Variants in ROBO1 observed in about 807,000 individuals in gnomAD.
ROBO1 encodes the protein roundabout guidance receptor 1.
In ROBO1, 149 loss-of-function variants were observed where a neutral mutation model predicts 195.9. The ratio of observed to expected loss-of-function variants is 0.76; its 90% CI spans 0.67 to 0.87. The LOEUF (loss-of-function observed/expected upper bound fraction) is 0.87. Among genes scored for constraint, ROBO1 ranks in the 40% least tolerant of loss-of-function variants. The pLI, the probability that ROBO1 is intolerant of heterozygous loss-of-function variation, is 0.00. For synonymous variants in ROBO1, 816 were observed against 733.2 expected, an observed-to-expected ratio of 1.11 and a Z score of -1.82; for missense variants, 1,933 against 2,068.3, an observed-to-expected ratio of 0.93 and a Z score of 1.27.
intron 5 of ROBO1, among the ~76,000 whole-genome samples, chr3:78,745,698 T>C (rs2082641491): frequency 6.6e-6 from 1 of 152,150 alleles, no homozygotes; most frequent in South Asian, 2.1e-4. Context: ...ATCCCAAGAA[T>C]TACAGAAATC....
At chr3:79,728,795 A>T (rs976819896) in intron 1 of ROBO1, among the ~76,000 whole-genome samples, 8 of 152,114 alleles carry the variant, frequency 5.3e-5, no homozygotes, top group Non-Finnish European at 1.0e-4. Context: ...AAATTTCTTT[A>T]TTAAGCCATT....
At chr3:79,488,565 TA>T (rs1314435554) in intron 2 of ROBO1, among the ~76,000 whole-genome samples, 1 of 152,144 alleles carries the variant, frequency 6.6e-6, no homozygotes, top group Non-Finnish European at 1.5e-5. Flanking sequence ...ATAGAAATCA[TA>T]AAAACCAAAG....
intron 2 of ROBO1, among the ~76,000 whole-genome samples, chr3:79,514,409 G>C (rs537983245): frequency 6.6e-6 from 1 of 152,256 alleles, no homozygotes; most frequent in South Asian, 2.1e-4. Flanking sequence ...GGCACAATGT[G>C]ATAGCACATT....
chr3:79,088,710 G>A (rs1223837069), intron 3 of ROBO1, among the ~76,000 whole-genome samples: 5 of 152,006 alleles, frequency 3.3e-5, no homozygotes, highest in Admixed American at 3.3e-4. Flanking sequence ...CTTTCTTTGT[G>A]AAGAAGAATT....
At chr3:78,757,707 T>C (rs1296087150) in intron 4 of ROBO1, among the ~76,000 whole-genome samples, 1 of 152,172 alleles carries the variant, frequency 6.6e-6, no homozygotes, top group Non-Finnish European at 1.5e-5. Context: ...TTGTGAAGCA[T>C]AATTAAGGTT....
At chr3:78,884,858 C>T (rs1384171393) in intron 4 of ROBO1, among the ~76,000 whole-genome samples, 35 of 112,268 alleles carry the variant, frequency 3.1e-4, no homozygotes, top group South Asian at 8.8e-4. Flanking sequence ...CTCTCTCTCT[C>T]TCTCTTTCTG....
intron 2 of ROBO1, among the ~76,000 whole-genome samples, chr3:79,374,123 G>T (rs2036298087): frequency 6.6e-6 from 1 of 152,178 alleles, no homozygotes; most frequent in South Asian, 2.1e-4. Context: ...AAAAGATAAA[G>T]TATCAGTCAT....
At chr3:79,204,456 C>T (rs1244621561) in intron 2 of ROBO1, among the ~76,000 whole-genome samples, 1 of 151,972 alleles carries the variant, frequency 6.6e-6, no homozygotes, top group Non-Finnish European at 1.5e-5. Context: ...CCAGTGGCGG[C>T]TGACTACATG....
intron 2 of ROBO1, among the ~76,000 whole-genome samples, chr3:79,231,451 C>T (rs1355758074): frequency 5.3e-5 from 8 of 151,890 alleles, no homozygotes; most frequent in African/African-American, 1.9e-4. Context: ...AGCCAACAAT[C>T]ATGAATAAAA....
At chr3:79,448,773 A>G (rs1367744082) in intron 2 of ROBO1, among the ~76,000 whole-genome samples, 1 of 152,226 alleles carries the variant, frequency 6.6e-6, no homozygotes, top group Non-Finnish European at 1.5e-5. Context: ...AACAGATTCC[A>G]TAAGTATCAA....
At chr3:79,720,752 CT>C (rs1391286434) in intron 1 of ROBO1, among the ~76,000 whole-genome samples, 1 of 151,320 alleles carries the variant, frequency 6.6e-6, no homozygotes, top group Non-Finnish European at 1.5e-5. Flanking sequence ...CCATACAATA[CT>C]GTGGTTTATT....
At chr3:79,759,842 C>A (rs550809507) in intron 1 of ROBO1, among the ~76,000 whole-genome samples, 51 of 152,270 alleles carry the variant, frequency 3.3e-4, no homozygotes, top group Non-Finnish European at 5.4e-4. Context: ...AATGGCAGTG[C>A]TAGCCCACCC....
chr3:78,738,949 T>C (rs904269319), intron 5 of ROBO1, among the ~76,000 whole-genome samples: 3 of 152,168 alleles, frequency 2.0e-5, no homozygotes, highest in African/African-American at 7.2e-5. Context: ...TAAATTATTT[T>C]TTCAATCAAG....
At position 79,014,228 on chromosome 3, in the gene ROBO1, G is replaced by C. The variant is rs926639860; in HGVS notation, c.173-75301C>G. ...TTCATCCCTGTAATCCCAGCACTTTGGGAGGCCGAAGCAGGCAGATCACCT... is the reference window on the plus strand; with the variant it reads ...TTCATCCCTGTAATCCCAGCACTTTCGGAGGCCGAAGCAGGCAGATCACCT... On this transcript the variant is annotated intron_variant, in intron 3 of 30. Coordinates refer to ENST00000464233, the MANE Select transcript of ROBO1 (RefSeq NM_002941.4). Among the ~76,000 whole-genome samples, 3 of 152,122 alleles carry C rather than the reference G, an allele frequency of 2.0e-5. No individual in the cohort carries two copies. In the East Asian group the frequency reaches 5.8e-4, roughly 29 times the overall value.
At chr3:79,224,384 A>G (rs1373383954) in intron 2 of ROBO1, among the ~76,000 whole-genome samples, 1 of 152,182 alleles carries the variant, frequency 6.6e-6, no homozygotes, top group Non-Finnish European at 1.5e-5. Context: ...ACATGCCTGG[A>G]GGCACTCAGC....
intron 2 of ROBO1, among the ~76,000 whole-genome samples, chr3:79,180,518 G>A (rs2081323403): frequency 6.6e-6 from 1 of 152,294 alleles, no homozygotes; most frequent in East Asian, 1.9e-4. Context: ...ATAGAGCACA[G>A]TGGCTAAGGA....
intron 2 of ROBO1, among the ~76,000 whole-genome samples, chr3:79,475,923 T>C (rs867953137): frequency 3.0e-4 from 45 of 152,206 alleles, no homozygotes; most frequent in African/African-American, 1.9e-4. Context: ...TTTGGAAGAT[T>C]AGTGAAGCCT....
chr3:79,431,999 T>C (rs1247930859), intron 2 of ROBO1, among the ~76,000 whole-genome samples: 1 of 152,120 alleles, frequency 6.6e-6, no homozygotes, highest in Non-Finnish European at 1.5e-5. Flanking sequence ...CAAAGTGAGA[T>C]AATCTAATTA....
At chr3:79,103,785 G>T (rs9869076) in intron 3 of ROBO1, among the ~76,000 whole-genome samples, 42,926 of 151,568 alleles carry the variant, frequency 0.28, 8,476 homozygotes, top group African/African-American at 0.56. Context: ...AAAAATTACA[G>T]TTAGTAAATA....
Sources: allele counts gnomAD v4.1 joint callset (sites outside exome capture counted in the v4.1 genomes callset), GRCh38; gene constraint gnomAD v4.1.1; transcripts MANE v1.5; gene names NCBI Gene and HGNC (gene_info 2026-07-23, HGNC 2026-07-21).